Variants in GNB1 observed in about 807,000 individuals in gnomAD.
GNB1 encodes the protein guanine nucleotide-binding protein G(I)/G(S)/G(T) subunit beta-1.
A neutral mutation model predicts 42.9 loss-of-function variants in GNB1; 2 were observed. The observed-to-expected ratio is 0.05, with a 90% CI of 0.02 to 0.15. The LOEUF (loss-of-function observed/expected upper bound fraction) is 0.15, where lower values mean the gene tolerates loss of function less well. GNB1 is among the 10% of genes least tolerant of loss of function. The pLI, the probability that GNB1 is intolerant of heterozygous loss-of-function variation, is 1.00. For synonymous variants in GNB1, 183 were observed against 174.7 expected (o/e 1.05, Z -0.38); for missense variants, 193 against 462.2 (o/e 0.42, Z 5.34).
At chr1:1,807,308 C>CA (rs1557892059) in intron 5 of GNB1, among the ~76,000 whole-genome samples, 3 of 150,282 alleles carry the variant, frequency 2.0e-5, no homozygotes, top group African/African-American at 4.9e-5. Context: ...TACAAAAACA[C>CA]AAAAAAATAG....
intron 1 of GNB1, among the ~76,000 whole-genome samples, chr1:1,857,472 C>T (rs1451198967): frequency 6.6e-6 from 1 of 152,216 alleles, no homozygotes; most frequent in Non-Finnish European, 1.5e-5. Context: ...AGAGTCTCCT[C>T]TGCACCAACT....
intron 1 of GNB1, among the ~76,000 whole-genome samples, chr1:1,842,163 G>A (rs1201977081): frequency 6.6e-6 from 1 of 152,204 alleles, no homozygotes; most frequent in African/African-American, 2.4e-5. Context: ...AGGCACGGTG[G>A]CTCACGCCTG....
chr1:1,836,489 T>C, intron 2 of GNB1, among the ~76,000 whole-genome samples: 1 of 147,020 alleles, frequency 6.8e-6, no homozygotes, highest in Non-Finnish European at 1.5e-5. Flanking sequence ...CATCCCGGGC[T>C]CAAGTGATTC....
Position 1,790,442 on chromosome 1 carries a change from A to T in GNB1, c.652T>A (p.Cys218Ser), listed in dbSNP as rs1463388259. 2.5e-6 allele frequency: 4 copies of T among 1,614,112 alleles called. No homozygotes were observed. ...AKLWDVREGM[C>S]RQTFTGHESD... ...TCGTGGCCAGTGAAGGTCTGCCGGCACATGCCTTCTCGCACATCCCAGAGT... is the reference window on the plus strand; with the variant it reads ...TCGTGGCCAGTGAAGGTCTGCCGGCTCATGCCTTCTCGCACATCCCAGAGT... Residue 218 changes from cysteine to serine, a missense_variant, in exon 9 of 12, where the codon TGC (cysteine) becomes AGC (serine). By Grantham distance (112) the Cys-to-Ser change is moderately radical. Around this residue, in one of 2 missense-constraint regions of GNB1, gnomAD observed 150 missense variants for 410.8 expected, o/e 0.37. Transcript: ENST00000378609. The surrounding 1 kb of genome is among the most constrained non-coding windows in gnomAD (Gnocchi z 5.4).
At chr1:1,831,809 A>T (rs1647080043) in intron 2 of GNB1, among the ~76,000 whole-genome samples, 1 of 151,348 alleles carries the variant, frequency 6.6e-6, no homozygotes, top group Non-Finnish European at 1.5e-5. Context: ...CTGTAGTCCC[A>T]GCACTTTGGG....
intron 1 of GNB1, among the ~76,000 whole-genome samples, chr1:1,863,719 G>A (rs1570732817): frequency 2.0e-5 from 3 of 152,266 alleles, no homozygotes; most frequent in Admixed American, 2.0e-4. Context: ...CCAAATTTCA[G>A]ATATCACACA....
At chr1:1,865,586 A>G (rs1176446508) in intron 1 of GNB1, among the ~76,000 whole-genome samples, 1 of 152,210 alleles carries the variant, frequency 6.6e-6, no homozygotes, top group Non-Finnish European at 1.5e-5. Flanking sequence ...ACTCCATCTC[A>G]AAAAGAACTA....
intron 3 of GNB1, among the ~76,000 whole-genome samples, chr1:1,819,183 TA>T (rs1222148489): frequency 6.6e-6 from 1 of 152,116 alleles, no homozygotes; most frequent in East Asian, 1.9e-4. Flanking sequence ...CTAACAGGTT[TA>T]AAGTTTGAGT....
chr1:1,799,935 A>T (rs1646601697), intron 7 of GNB1, among the ~76,000 whole-genome samples: 1 of 152,236 alleles, frequency 6.6e-6, no homozygotes, highest in Non-Finnish European at 1.5e-5. Flanking sequence ...GGCTGACCAG[A>T]TATCCGACAC....
At chr1:1,866,231 C>T (rs367868689) in intron 1 of GNB1, among the ~76,000 whole-genome samples, 15 of 152,248 alleles carry the variant, frequency 9.9e-5, no homozygotes, top group Non-Finnish European at 2.1e-4. Flanking sequence ...TGCGCCACTG[C>T]GCCCAGCCAG....
chr1:1,793,230 G>C lies in GNB1; in HGVS notation c.497+15C>G. 2 of 1,588,648 alleles carry C rather than the reference G, an allele frequency of 1.3e-6. No individual in the cohort carries two copies. The highest frequency in any genetic ancestry group is 8.6e-7 in the Non-Finnish European group (1 of 1,158,272). On this transcript the variant is annotated intron_variant, in intron 8 of 11. Transcript: ENST00000378609. ...GGGTTCTCAAGGCACTGCCTGCCCC[G>C]GGTCAGGTACTTACCACGTGGTGTC...
rs531504791 is a variant in GNB1, at chr1:1,871,997, T to A, written c.-96+18823A>T. Reference sequence around the variant, plus strand: ...TTTTCATTCAGCAATCTGAACAATCTTTTTTCTTTTTTTTTTTTTCTTAAG... The same window carrying A: ...TTTTCATTCAGCAATCTGAACAATCATTTTTCTTTTTTTTTTTTTCTTAAG... On this transcript the variant is annotated intron_variant, in intron 1 of 11. Transcript: ENST00000378609. Among the ~76,000 whole-genome samples the A allele has an allele frequency of 1.1e-4, 17 of 151,778 alleles. No homozygotes were observed. The East Asian group carries it at 3.3e-3, about 29-fold the overall frequency.
intron 1 of GNB1, among the ~76,000 whole-genome samples, chr1:1,860,306 T>G (rs1464119494): frequency 6.6e-6 from 1 of 151,216 alleles, no homozygotes; most frequent in East Asian, 1.9e-4. Context: ...GTGGCAAGAG[T>G]TGGAAAACTG....
chr1:1,848,917 A>G lies in GNB1; in HGVS notation c.-95-9679T>C, dbSNP rs555105314. Among the ~76,000 whole-genome samples the G allele has an allele frequency of 1.5e-4, 23 of 152,334 alleles. 1 individual carries two copies. The South Asian group carries it at 4.4e-3, about 29-fold the overall frequency. On this transcript the variant is annotated intron_variant, in intron 1 of 11. Coordinates refer to ENST00000378609, the MANE Select transcript of GNB1 (RefSeq NM_002074.5). Reference sequence around the variant, plus strand: ...CCCAGTTCCTCAGAAGGAGCTTCAAAAACTATTGGATGTTCCGGAGTGATA... The same window carrying G: ...CCCAGTTCCTCAGAAGGAGCTTCAAGAACTATTGGATGTTCCGGAGTGATA...
At chr1:1,817,233 A>G (rs1421775856) in intron 4 of GNB1, among the ~76,000 whole-genome samples, 3 of 152,288 alleles carry the variant, frequency 2.0e-5, no homozygotes, top group Middle Eastern at 3.4e-3. Flanking sequence ...CACTATCGTA[A>G]TATTTATGGG....
chr1:1,842,515 C>T (rs1647285279), intron 1 of GNB1, among the ~76,000 whole-genome samples: 1 of 151,890 alleles, frequency 6.6e-6, no homozygotes, highest in East Asian at 1.9e-4. Flanking sequence ...GTGACAGATG[C>T]CATACACAAA....
At chr1:1,862,521 G>A (rs1036641662) in intron 1 of GNB1, among the ~76,000 whole-genome samples, 3 of 151,834 alleles carry the variant, frequency 2.0e-5, no homozygotes, top group Non-Finnish European at 4.4e-5. Context: ...GGCTGGAGCG[G>A]CACAATTACG....
chr1:1,804,639 C>T, intron 6 of GNB1, 58 bp from the exon 7 acceptor site: 1 of 1,324,642 alleles, frequency 7.5e-7, no homozygotes, highest in Non-Finnish European at 1.0e-6. Context: ...AACACTGACA[C>T]CAGGATTTTC....
chr1:1,795,592 A>G (rs1646535472), intron 7 of GNB1, among the ~76,000 whole-genome samples: 1 of 152,092 alleles, frequency 6.6e-6, no homozygotes, highest in South Asian at 2.1e-4. Flanking sequence ...TACTAAAAAT[A>G]TAAAAATTAG....
Sources: allele counts gnomAD v4.1 joint callset (sites outside exome capture counted in the v4.1 genomes callset), GRCh38; gene constraint gnomAD v4.1.1; regional missense constraint gnomAD v4.1.1; non-coding constraint Gnocchi (gnomAD v3.1); transcripts MANE v1.5; gene names NCBI Gene and HGNC (gene_info 2026-07-23, HGNC 2026-07-21).